The following SBNO2 variants were observed in gnomAD, a reference collection of about 807,000 sequenced individuals.
SBNO2 encodes protein strawberry notch homolog 2.
A neutral mutation model predicts 146.3 loss-of-function variants in SBNO2; 89 were observed. That is an observed-to-expected ratio of 0.61 (90% CI 0.51 to 0.73). SBNO2 has a LOEUF of 0.73. SBNO2 is among the 30% of genes least tolerant of loss of function. The pLI is 0.00. For missense variants in SBNO2, 2,092 were observed against 2,003.7 expected, an observed-to-expected ratio of 1.04 and a Z score of -0.84; for synonymous variants, 1,147 against 892.6, an observed-to-expected ratio of 1.29 and a Z score of -5.08.
chr19:1,157,371 C>G lies in SBNO2; in HGVS notation c.-126-2969G>C, dbSNP rs1306187437. ...GCTCTCCCCACGCGGCCCCGGAGAC[C>G]CTCTGCCACGCAGCCCCGGAGACGC... On this transcript the variant is annotated intron_variant, in intron 1 of 31. Transcript: ENST00000361757. The surrounding 1 kb of genome is among the most constrained non-coding windows in gnomAD (Gnocchi z 6.8). Among the ~76,000 whole-genome samples, 8 of 141,252 alleles carry G rather than the reference C, an allele frequency of 5.7e-5. No individual in the cohort carries two copies. Among genetic ancestry groups the G allele is most frequent in the African/African-American group, 2.0e-4 (8 of 39,562 alleles). 92.7% of individuals were successfully genotyped at this position (141,252 alleles called of 152,430 possible). A position where few individuals can be genotyped will look rare whatever the true frequency, so the allele number is the denominator to read the frequency against.
chr19:1,115,956 G>T, intron 17 of SBNO2, 65 bp downstream of exon 17: 2 of 1,081,040 alleles, frequency 1.9e-6, no homozygotes, highest in Non-Finnish European at 1.2e-6. Flanking sequence ...GGAGCGACCA[G>T]CCAGCCCCCG....
At chr19:1,121,390 G>A (rs563732588) in intron 11 of SBNO2, among the ~76,000 whole-genome samples, 2 of 152,258 alleles carry the variant, frequency 1.3e-5, no homozygotes, top group East Asian at 1.9e-4. Flanking sequence ...GCAGTCTCCC[G>A]TTCTGTTTCT....
chr19:1,113,653 C>A lies in SBNO2; in HGVS notation c.2129G>T (p.Arg710Leu). 1 of 1,597,038 alleles carries A rather than the reference C, an allele frequency of 6.3e-7. No homozygotes were observed. The highest frequency in any genetic ancestry group is 8.5e-7 in the Non-Finnish European group (1 of 1,173,016). The change falls in exon 19 of 32, where the codon CGG becomes CTG. Residue 710 changes from arginine to leucine, a missense_variant. Coordinates refer to ENST00000361757, the MANE Select transcript of SBNO2 (RefSeq NM_014963.3). ...CAGATCCTGCTTCAGCCGCTCCACC[C>A]GCTCCAGGACCCCGGGGCCATGCGG... The part of the protein sequence containing the change: ...RDPHGPGVLE[R>L]VERLKQDLLD...
At chr19:1,155,859 C>G (rs2080285686) in intron 1 of SBNO2, among the ~76,000 whole-genome samples, 1 of 152,190 alleles carries the variant, frequency 6.6e-6, no homozygotes. Context: ...GGCTCAGCAG[C>G]CCCTCCCCTG....
At chr19:1,149,567 G>T in intron 2 of SBNO2, 125 bp from the exon 3 acceptor site, 1 of 809,244 alleles carries the variant, frequency 1.2e-6, no homozygotes, top group Non-Finnish European at 2.0e-6. Flanking sequence ...GTCCCATCCC[G>T]CCCCTGCTGG....
intron 4 of SBNO2, among the ~76,000 whole-genome samples, chr19:1,139,091 G>T (rs1459250348): frequency 6.6e-6 from 1 of 152,234 alleles, no homozygotes; most frequent in Non-Finnish European, 1.5e-5. Flanking sequence ...AAAACAGTGG[G>T]TCCTGCATGC....
intron 4 of SBNO2, among the ~76,000 whole-genome samples, chr19:1,141,713 G>A (rs2080139007): frequency 6.6e-6 from 1 of 152,080 alleles, no homozygotes; most frequent in Non-Finnish European, 1.5e-5. Flanking sequence ...CCAGACTCAA[G>A]CGATCCTCAT....
intron 1 of SBNO2, chr19:1,169,019 T>C (rs774673752): frequency 6.6e-6 from 1 of 152,282 alleles, no homozygotes; most frequent in Non-Finnish European, 1.5e-5. Flanking sequence ...AGGCCGCCTC[T>C]TTCGGTTTCA....
In SBNO2 at chr19:1,157,380, C is replaced by T. The variant is rs1050686069; in HGVS notation, c.-126-2978G>A. On this transcript the variant is annotated intron_variant, in intron 1 of 31. Transcript: ENST00000361757. This position sits in a 1 kb window ranked among gnomAD's most constrained non-coding sequence, Gnocchi z 6.8. The stretch of plus-strand genomic sequence containing the variant: ...ACGCGGCCCCGGAGACCCTCTGCCA[C>T]GCAGCCCCGGAGACGCTCTCCCCAC... 2.1e-5 allele frequency among the ~76,000 whole-genome samples: 3 copies of T among 145,330 alleles called. No individual in the cohort carries two copies. Among genetic ancestry groups the T allele is most frequent in the Non-Finnish European group, 3.0e-5 (2 of 65,708 alleles).
chr19:1,119,390 G>A lies in SBNO2; in HGVS notation c.1373+126C>T, dbSNP rs896876591. 4.7e-5 allele frequency: 42 copies of A among 894,904 alleles called. 1 individual carries two copies. The highest frequency in any genetic ancestry group is 2.5e-4 in the African/African-American group (15 of 59,334). 55.4% of individuals were successfully genotyped at this position (894,904 alleles called of 1,614,324 possible). A position where few individuals can be genotyped will look rare whatever the true frequency, so the allele number is the denominator to read the frequency against. On this transcript the variant is annotated intron_variant, in intron 13 of 31. Coordinates refer to ENST00000361757, the MANE Select transcript of SBNO2 (RefSeq NM_014963.3). ...GGCAGCCCGAGGCAGTGAAACGAGC[G>A]ACCCACATTCAGCACCTCTGGGTGC...
intron 4 of SBNO2, among the ~76,000 whole-genome samples, chr19:1,134,498 G>A (rs2080068013): frequency 6.9e-6 from 1 of 144,310 alleles, no homozygotes; most frequent in African/African-American, 2.7e-5. Context: ...GCCACAGCAC[G>A]GATGCACCTT....
chr19:1,169,553 T>C (rs2145361240), intron 1 of SBNO2, among the ~76,000 whole-genome samples: 1 of 152,314 alleles, frequency 6.6e-6, no homozygotes, highest in African/African-American at 2.4e-5. Context: ...AGTGAGTGGT[T>C]CAGGGGCAGA....
At chr19:1,124,240 C>G (rs376631605) in intron 5 of SBNO2, among the ~76,000 whole-genome samples, 45 of 152,318 alleles carry the variant, frequency 3.0e-4, no homozygotes, top group Middle Eastern at 6.8e-3. Context: ...GCCTAAGGCT[C>G]GCTCCTCCTG....
At chr19:1,166,231 A>ACTTCAGAT (rs1555729310) in intron 1 of SBNO2, among the ~76,000 whole-genome samples, 19 of 76,616 alleles carry the variant, frequency 2.5e-4, no homozygotes, top group African/African-American at 9.6e-4. Context: ...GAGATTCCAG[A>ACTTCAGAT]CCCCAGATCC....
chr19:1,154,073 C>T (rs959258337), intron 2 of SBNO2, 111 bp downstream of exon 2: 15 of 480,526 alleles, frequency 3.1e-5, no homozygotes, highest in Non-Finnish European at 4.3e-5. Flanking sequence ...AGGTGGAGAT[C>T]ACGCCGCGTC....
At chr19:1,168,224 C>T (rs972186170) in intron 1 of SBNO2, among the ~76,000 whole-genome samples, 57 of 152,262 alleles carry the variant, frequency 3.7e-4, no homozygotes, top group African/African-American at 1.3e-3. Flanking sequence ...ACCTCAGGGC[C>T]ACCCCGAGAG....
rs1209161476 is a variant in SBNO2 at position 1,124,038 on chromosome 19, G to A, written c.442-16C>T. On this transcript the variant is annotated splice_polypyrimidine_tract_variant and intron_variant, in intron 5 of 31. Coordinates refer to ENST00000361757, the MANE Select transcript of SBNO2 (RefSeq NM_014963.3). ...GCTGGAACAGCTGGAAGGGGAGCAG[G>A]ATGTCAGCCCGGGCCAGACGGGACA... is the stretch of plus-strand genomic sequence containing the variant. 6.2e-7 allele frequency: 1 copy of A among 1,608,002 alleles called. No individual in the cohort carries two copies. Among genetic ancestry groups the A allele is most frequent in the Non-Finnish European group, 8.5e-7 (1 of 1,177,826 alleles).
chr19:1,123,761 G>C, intron 6 of SBNO2, 122 bp from the exon 7 acceptor site: 2 of 1,105,668 alleles, frequency 1.8e-6, no homozygotes, highest in South Asian at 2.9e-5. Flanking sequence ...GTGGGAGACG[G>C]CTCTGTCTGC....
At chr19:1,160,360 G>A (rs2080331866) in intron 1 of SBNO2, among the ~76,000 whole-genome samples, 1 of 152,218 alleles carries the variant, frequency 6.6e-6, no homozygotes, top group Non-Finnish European at 1.5e-5. Flanking sequence ...CCACACCCCT[G>A]CCCAGGCCTC....
Sources: allele counts gnomAD v4.1 joint callset (sites outside exome capture counted in the v4.1 genomes callset), GRCh38; gene constraint gnomAD v4.1.1; non-coding constraint Gnocchi (gnomAD v3.1); transcripts MANE v1.5; gene names NCBI Gene and HGNC (gene_info 2026-07-23, HGNC 2026-07-21).